Variants in TMTC4 observed in about 807,000 individuals in gnomAD.
TMTC4 encodes transmembrane O-mannosyltransferase targeting cadherins 4.
TMTC4 carries 65 observed loss-of-function variants against 86.0 expected under a neutral mutation model. The observed-to-expected ratio is 0.76, with a 90% CI of 0.62 to 0.93. The LOEUF (loss-of-function observed/expected upper bound fraction) is 0.93. Among genes scored for constraint, TMTC4 ranks in the 40% least tolerant of loss-of-function variants. The pLI, the probability that TMTC4 is intolerant of heterozygous loss-of-function variation, is 0.00. For missense variants in TMTC4, 866 were observed against 948.1 expected, an observed-to-expected ratio of 0.91 and a Z score of 1.14; for synonymous variants, 379 against 382.5, an observed-to-expected ratio of 0.99 and a Z score of 0.11.
intron 15 of TMTC4, among the ~76,000 whole-genome samples, chr13:100,616,975 T>C (rs1878606288): frequency 6.6e-6 from 1 of 152,234 alleles, no homozygotes; most frequent in Non-Finnish European, 1.5e-5. Flanking sequence ...TTTACTCTCT[T>C]GATAGTTTCT....
intron 6 of TMTC4, among the ~76,000 whole-genome samples, chr13:100,644,353 T>C (rs574905678): frequency 7.2e-5 from 11 of 152,104 alleles, no homozygotes; most frequent in Non-Finnish European, 1.5e-4. Context: ...TCCGCCTACC[T>C]TGGCCTCCCA....
chr13:100,675,015 G>A, upstream of TMTC4: 2 of 985,674 alleles, frequency 2.0e-6, no homozygotes, highest in Non-Finnish European at 1.2e-6. Flanking sequence ...CGCCGGTGAC[G>A]TCAGGCCAGG....
At chr13:100,673,892 A>AT (rs1887467256) in intron 1 of TMTC4, 1 of 406,312 alleles carries the variant, frequency 2.5e-6, no homozygotes, top group Non-Finnish European at 3.3e-6. Context: ...AGTCCCTACT[A>AT]TAACTGTTTC....
intron 1 of TMTC4, chr13:100,673,272 C>T: frequency 2.0e-6 from 2 of 981,494 alleles, no homozygotes; most frequent in Non-Finnish European, 1.2e-6. Context: ...ACAGCTGACA[C>T]GGCAGCCTGG....
chr13:100,659,417 G>A lies in TMTC4; in HGVS notation c.553-2949C>T, dbSNP rs575578458. Among the ~76,000 whole-genome samples the A allele has an allele frequency of 1.1e-3, 174 of 152,204 alleles. 1 individual carries two copies. Among genetic ancestry groups the A allele is most frequent in the African/African-American group, 3.9e-3 (164 of 41,520 alleles). On this transcript the variant is annotated intron_variant, in intron 5 of 18. Coordinates refer to ENST00000342624, the MANE Select transcript of TMTC4 (RefSeq NM_032813.5). ...CAAGTAGCTGGGACTCCAGGCATGC[G>A]CCACCACACCTGGCTACAGGCAGAA...
intron 17 of TMTC4, among the ~76,000 whole-genome samples, chr13:100,608,796 T>C (rs1877067309): frequency 6.6e-6 from 1 of 151,894 alleles, no homozygotes; most frequent in African/African-American, 2.4e-5. Context: ...ACATTTAGAG[T>C]TGGGGATATT....
intron 10 of TMTC4, 30 bp from the exon 11 acceptor site, chr13:100,635,225 G>C: frequency 2.7e-6 from 4 of 1,508,666 alleles, no homozygotes. Flanking sequence ...TAAATAAATG[G>C]CTATTTCCAG....
chr13:100,606,449 A>G lies in TMTC4; in HGVS notation c.2065-22T>C, dbSNP rs774254676. ...ATTCCTAAAAAATGAGAAACATAAA[A>G]AGGAAGATATTTATTGTACATGAAG... is the stretch of plus-strand genomic sequence containing the variant. On this transcript the variant is annotated intron_variant, in intron 17 of 18. Transcript: ENST00000342624. The G allele has an allele frequency of 2.5e-6, 4 of 1,596,222 alleles. No individual in the cohort carries two copies. The East Asian group carries it at 8.9e-5, about 36-fold the overall frequency.
chr13:100,617,248 C>G (rs1272471704), intron 15 of TMTC4, among the ~76,000 whole-genome samples: 1 of 152,166 alleles, frequency 6.6e-6, no homozygotes, highest in African/African-American at 2.4e-5. Flanking sequence ...GATCCTCCCA[C>G]CTTGGTCTCC....
chr13:100,605,429 T>C lies in TMTC4; in HGVS notation c.2135-287A>G, dbSNP rs1174331087. ...GAAGCAAAAAGAAGAGTACATGCAATGTCTTAGTGCTGCCATGAAATTTCC... is the reference window on the plus strand; with the variant it reads ...GAAGCAAAAAGAAGAGTACATGCAACGTCTTAGTGCTGCCATGAAATTTCC... On this transcript the variant is annotated intron_variant, in intron 18 of 18. Coordinates refer to ENST00000342624, the MANE Select transcript of TMTC4 (RefSeq NM_032813.5). This position sits in a 1 kb window ranked among gnomAD's most constrained non-coding sequence, Gnocchi z 4.3. Among the ~76,000 whole-genome samples the C allele has an allele frequency of 6.6e-6, 1 of 152,144 alleles. No homozygotes were observed. Among genetic ancestry groups the C allele is most frequent in the African/African-American group, 2.4e-5 (1 of 41,424 alleles).
chr13:100,646,435 T>C (rs1332724162), intron 6 of TMTC4, among the ~76,000 whole-genome samples: 1 of 152,208 alleles, frequency 6.6e-6, no homozygotes, highest in African/African-American at 2.4e-5. Flanking sequence ...TCATCTCTCC[T>C]GCAAGGATGG....
chr13:100,668,894 G>A, intron 2 of TMTC4, 100 bp from the exon 3 acceptor site: 1 of 1,173,408 alleles, frequency 8.5e-7, no homozygotes, highest in Non-Finnish European at 1.2e-6. Flanking sequence ...TTTATGCTAT[G>A]ATTTTATAGG....
intron 1 of TMTC4, among the ~76,000 whole-genome samples, chr13:100,671,126 C>T (rs950148361): frequency 8.5e-5 from 13 of 152,110 alleles, no homozygotes; most frequent in African/African-American, 3.1e-4. Context: ...CCGGTTTTGA[C>T]GTTATCTGTT....
chr13:100,674,547 G>A (rs1382423524), intron 1 of TMTC4, 197 bp downstream of exon 1: 5 of 982,046 alleles, frequency 5.1e-6, no homozygotes, highest in Admixed American at 6.2e-5. Flanking sequence ...GCTCACACAG[G>A]GGCCCGCGTC....
chr13:100,661,106 A>G (rs1382990874), intron 5 of TMTC4, among the ~76,000 whole-genome samples: 7 of 152,226 alleles, frequency 4.6e-5, no homozygotes, highest in Non-Finnish European at 8.8e-5. Context: ...ATTTCTTCAA[A>G]TCTGAGTTTG....
chr13:100,655,687 C>T (rs1050439892), intron 6 of TMTC4, among the ~76,000 whole-genome samples: 5 of 152,252 alleles, frequency 3.3e-5, no homozygotes, highest in African/African-American at 7.2e-5. Context: ...GTTCTCAATA[C>T]TTGAAGGTGT....
At position 100,605,957 on chromosome 13, in the gene TMTC4, A is replaced by AG. The variant is rs1401386373; in HGVS notation, c.2134+400dup. 2.0e-5 allele frequency among the ~76,000 whole-genome samples: 3 copies of AG among 152,214 alleles called. No individual in the cohort carries two copies. Among genetic ancestry groups the AG allele is most frequent in the Non-Finnish European group, 2.9e-5 (2 of 68,034 alleles). ...ATATAAAGCAGAAGACCAGGCTGGA[A>AG]GGGGAAGGTCTACTCTGTAAGAAGG... On this transcript the variant is annotated intron_variant, in intron 18 of 18. Coordinates refer to ENST00000342624, the MANE Select transcript of TMTC4 (RefSeq NM_032813.5). The surrounding 1 kb of genome is among the most constrained non-coding windows in gnomAD (Gnocchi z 4.3).
intron 5 of TMTC4, among the ~76,000 whole-genome samples, chr13:100,662,048 C>T (rs947341474): frequency 6.6e-6 from 1 of 151,976 alleles, no homozygotes; most frequent in South Asian, 2.1e-4. Flanking sequence ...TAGTGAAATC[C>T]CAGCACAGCC....
At chr13:100,651,708 C>G (rs979657981) in intron 6 of TMTC4, among the ~76,000 whole-genome samples, 1 of 152,024 alleles carries the variant, frequency 6.6e-6, no homozygotes, top group South Asian at 2.1e-4. Flanking sequence ...AATTTATTAA[C>G]TAGTTGAATC....
Sources: allele counts gnomAD v4.1 joint callset (sites outside exome capture counted in the v4.1 genomes callset), GRCh38; gene constraint gnomAD v4.1.1; non-coding constraint Gnocchi (gnomAD v3.1); transcripts MANE v1.5; gene names NCBI Gene and HGNC (gene_info 2026-07-23, HGNC 2026-07-21).